Variants in RRM1 observed in about 807,000 individuals in gnomAD.
The protein encoded by RRM1 is ribonucleotide reductase catalytic subunit M1, also known as ribonucleoside-diphosphate reductase large subunit.
A neutral mutation model predicts 101.5 loss-of-function variants in RRM1; 19 were observed. The observed-to-expected ratio is 0.19, with a 90% CI of 0.13 to 0.27. RRM1 has a LOEUF of 0.27. Among genes scored for constraint, RRM1 ranks in the 10% least tolerant of loss-of-function variants. RRM1 has a pLI of 1.00. For missense variants in RRM1, 500 were observed against 962.9 expected (o/e 0.52, Z 6.36); for synonymous variants, 298 against 323.4 (o/e 0.92, Z 0.84).
At chr11:4,128,998 T>A in intron 14 of RRM1, 76 bp from the exon 15 acceptor site, 1 of 772,924 alleles carries the variant, frequency 1.3e-6, no homozygotes, top group Non-Finnish European at 2.1e-6. Context: ...TGGCAGCTAG[T>A]CATTTGTGGG....
Position 4,138,438 on chromosome 11 carries a change from A to T in RRM1, c.*55A>T, listed in dbSNP as rs956241043. 1 of 1,420,622 alleles carries T rather than the reference A, an allele frequency of 7.0e-7. No individual in the cohort carries two copies. Among genetic ancestry groups the T allele is most frequent in the Non-Finnish European group, 9.5e-7 (1 of 1,056,826 alleles). The allele number at this position is 1,420,622 out of a possible 1,614,324, so 88.0% of individuals were successfully genotyped here. The stretch of plus-strand genomic sequence containing the variant: ...TCAGTAGCCAAACTACTTCTTGAGC[A>T]TAGATAGGTATAGTGGGTTTGCTTG... On this transcript the variant is annotated 3_prime_UTR_variant, in exon 19 of 19. Coordinates refer to ENST00000300738, the MANE Select transcript of RRM1 (RefSeq NM_001033.5).
At chr11:4,097,437 A>G (rs549146863) in intron 1 of RRM1, among the ~76,000 whole-genome samples, 3 of 151,706 alleles carry the variant, frequency 2.0e-5, no homozygotes, top group South Asian at 2.1e-4. Flanking sequence ...AATATACAAC[A>G]TGTACTTAGA....
At chr11:4,129,230 C>A in intron 15 of RRM1, 80 bp downstream of exon 15, 3 of 793,736 alleles carry the variant, frequency 3.8e-6, no homozygotes, top group South Asian at 1.7e-5. Context: ...TTAGATATGT[C>A]ATTTTAACTT....
At chr11:4,122,872 CAAA>C (rs140332856) in intron 11 of RRM1, among the ~76,000 whole-genome samples, 2 of 120,460 alleles carry the variant, frequency 1.7e-5, no homozygotes, top group Non-Finnish European at 1.8e-5. Context: ...AACTCCGTCT[CAAA>C]AAAAAAAAAA....
At chr11:4,111,541 T>C (rs982519715) in intron 5 of RRM1, 60 bp from the exon 6 acceptor site, 3 of 1,141,204 alleles carry the variant, frequency 2.6e-6, no homozygotes, top group Non-Finnish European at 3.9e-6. Context: ...GTGGATGATA[T>C]ATCCACTGCG....
chr11:4,127,467 A>G (rs2094591699), intron 14 of RRM1, among the ~76,000 whole-genome samples: 1 of 152,212 alleles, frequency 6.6e-6, no homozygotes, highest in African/African-American at 2.4e-5. Context: ...ATCTAATGAC[A>G]GTTGTCCTGC....
chr11:4,120,025 CT>C lies in RRM1; in HGVS notation c.876+105del, dbSNP rs72555781. 1,892 of 692,362 alleles carry C rather than the reference CT, an allele frequency of 2.7e-3. 6 individuals are homozygous for C. Among genetic ancestry groups the C allele is most frequent in the African/African-American group, 7.1e-3 (398 of 55,768 alleles). 42.9% of individuals were successfully genotyped at this position (692,362 alleles called of 1,614,324 possible). A position where few individuals can be genotyped will look rare whatever the true frequency, so the allele number is the denominator to read the frequency against. ...TCATTTATGTGTAGTTTCTAATTACCTTTTTTTTACTTGTAAAATCAATTTG... is the reference window on the plus strand; with the variant it reads ...TCATTTATGTGTAGTTTCTAATTACCTTTTTTTACTTGTAAAATCAATTTG... On this transcript the variant is annotated intron_variant, in intron 9 of 18. Transcript: ENST00000300738.
In RRM1 at chr11:4,127,240, C is replaced by G; in HGVS notation, c.1676C>G (p.Ser559Cys). 1 of 1,591,374 alleles carries G rather than the reference C, an allele frequency of 6.3e-7. No individual in the cohort carries two copies. The highest frequency in any genetic ancestry group is 8.5e-7 in the Non-Finnish European group (1 of 1,172,150). Residue 559 changes from serine (S) to cysteine (C), a missense_variant, in exon 14 of 19, where the codon TCT (serine) becomes TGT (cysteine). Coordinates refer to ENST00000300738, the MANE Select transcript of RRM1 (RefSeq NM_001033.5). ...GGCCCATACGAAACCTATGAGGGCT[C>G]TCCAGTTAGCAAAGGAGTAAGTATA... ...EQGPYETYEG[S>C]PVSKGILQYD... is the part of the protein sequence containing the mutation.
intron 7 of RRM1, 127 bp from the exon 8 acceptor site, chr11:4,118,193 C>A: frequency 2.2e-6 from 2 of 918,944 alleles, no homozygotes; most frequent in South Asian, 1.8e-5. Flanking sequence ...CTTTGAAAAT[C>A]ATTTAGGAAC....
rs760554394 is a variant in RRM1 at position 4,112,015 on chromosome 11, T to G, written c.603T>G (p.Ala201=). ...NLLSERWFTH[A]SPTLFNAGTN... ...TTTCTGAGAGGTGGTTTACTCATGCTTCGCCCACTCTCTTCAATGCTGGTA... is the reference window on the plus strand; with the variant it reads ...TTTCTGAGAGGTGGTTTACTCATGCGTCGCCCACTCTCTTCAATGCTGGTA... Residue 201 remains alanine (A), a synonymous_variant, in exon 7 of 19, where the codon GCT becomes GCG. Transcript: ENST00000300738. The G allele has an allele frequency of 3.1e-6, 5 of 1,614,088 alleles. No individual in the cohort carries two copies. Among genetic ancestry groups the G allele is most frequent in the Non-Finnish European group, 4.2e-6 (5 of 1,180,032 alleles).
At chr11:4,107,810 A>G (rs1187334278) in intron 4 of RRM1, among the ~76,000 whole-genome samples, 1 of 152,124 alleles carries the variant, frequency 6.6e-6, no homozygotes, top group Non-Finnish European at 1.5e-5. Flanking sequence ...TTTCATTGAT[A>G]CTTTCTTCAC....
intron 18 of RRM1, among the ~76,000 whole-genome samples, chr11:4,137,453 CCCCCA>C (rs1477858962): frequency 7.0e-6 from 1 of 141,920 alleles, no homozygotes; most frequent in African/African-American, 2.6e-5. Context: ...GGGGCTCACA[CCCCCA>C]CCTCCCTCCC....
intron 5 of RRM1, among the ~76,000 whole-genome samples, chr11:4,110,162 T>C (rs2094563387): frequency 6.6e-6 from 1 of 150,774 alleles, no homozygotes; most frequent in Admixed American, 6.6e-5. Flanking sequence ...AAAAAAAAAT[T>C]TTTTTTTTGA....
At chr11:4,137,024 G>A (rs563644219) in intron 18 of RRM1, 63 of 172,152 alleles carry the variant, frequency 3.7e-4, no homozygotes, top group South Asian at 2.9e-3. Flanking sequence ...ATCTTGCACC[G>A]CCCTTAATCC....
rs563140377 is a variant in RRM1, at chr11:4,097,966, A to G, written c.19+2935A>G. Among the ~76,000 whole-genome samples, 32 of 152,336 alleles carry G rather than the reference A, an allele frequency of 2.1e-4. No homozygotes were observed. In the South Asian group the frequency reaches 6.6e-3, roughly 32 times the overall value. ...AGTAGATGAGTTTTTTTCATCTGCT[A>G]TCTTGAGCTATTTTTCCTAATGGGA... On this transcript the variant is annotated intron_variant, in intron 1 of 18. Transcript: ENST00000300738.
chr11:4,108,699 T>A (rs773260685), intron 4 of RRM1, among the ~76,000 whole-genome samples: 2 of 152,120 alleles, frequency 1.3e-5, no homozygotes, highest in African/African-American at 4.8e-5. Context: ...TGTGTGTTGT[T>A]AATTTGTGTA....
Position 4,118,009 on chromosome 11 carries a change from A to T in RRM1, c.651-311A>T, listed in dbSNP as rs556898220. 8.5e-5 allele frequency among the ~76,000 whole-genome samples: 13 copies of T among 152,362 alleles called. No homozygotes were observed. In the South Asian group the frequency reaches 2.7e-3, roughly 32 times the overall value. ...TATGTTTATGAATATGCATGAGAAA[A>T]TGTGAAAATAGCACGTTTGCAGTCT... On this transcript the variant is annotated intron_variant, in intron 7 of 18. Coordinates refer to ENST00000300738, the MANE Select transcript of RRM1 (RefSeq NM_001033.5).
At chr11:4,105,094 T>G (rs1235085588) in intron 2 of RRM1, among the ~76,000 whole-genome samples, 1 of 152,196 alleles carries the variant, frequency 6.6e-6, no homozygotes, top group Non-Finnish European at 1.5e-5. Context: ...AAGGCTATAC[T>G]TAGATTTTTT....
chr11:4,109,497 C>A, intron 4 of RRM1, 147 bp from the exon 5 acceptor site: 1 of 449,814 alleles, frequency 2.2e-6, no homozygotes, highest in Non-Finnish European at 3.8e-6. Flanking sequence ...GTTAGATGGA[C>A]TTCTATTCTA....
Sources: gnomAD v4.1 joint callset for allele counts (sites outside exome capture counted in the v4.1 genomes callset) on GRCh38, gnomAD v4.1.1 for gene constraint, MANE v1.5 for transcripts, NCBI Gene and HGNC (gene_info 2026-07-23, HGNC 2026-07-21) for gene names.